The following TLR6 variants were observed in gnomAD, a reference collection of about 807,000 sequenced individuals.
The protein encoded by TLR6 is toll-like receptor 6.
TLR6 carries 9 observed loss-of-function variants against 16.1 expected under a neutral mutation model. That is an observed-to-expected ratio of 0.56 (90% confidence interval 0.34 to 0.98). TLR6 has a LOEUF of 0.98. Among genes scored for constraint, TLR6 ranks in the 50% least tolerant of loss-of-function variants. The probability of loss-of-function intolerance (pLI) is 0.02; values close to 1 mark genes in which losing one functional copy is unlikely to be tolerated. For missense variants in TLR6, 786 were observed against 921.0 expected (o/e 0.85, Z 1.90); for synonymous variants, 340 against 338.6 (o/e 1.00, Z -0.04).
chr4:38,863,025 T>C, the TLR6 span, among the ~76,000 whole-genome samples: 1 of 151,280 alleles, frequency 6.6e-6, no homozygotes, highest in Non-Finnish European at 1.5e-5. Flanking sequence ...GAGCTTTTAC[T>C]GACTATCTCT....
chr4:38,846,659 A>G (rs762913367), intron 1 of TLR6, among the ~76,000 whole-genome samples: 30 of 152,336 alleles, frequency 2.0e-4, no homozygotes, highest in Admixed American at 4.6e-4. Flanking sequence ...GAAAAGTAGT[A>G]AAATTTAGTG....
the TLR6 span, among the ~76,000 whole-genome samples, chr4:38,861,839 C>T: frequency 6.6e-6 from 1 of 152,048 alleles, no homozygotes; most frequent in African/African-American, 2.4e-5. Flanking sequence ...AGATTTGGAC[C>T]ACTTCTTTTC....
chr4:38,838,514 T>C (rs1712052295), intron 1 of TLR6, among the ~76,000 whole-genome samples: 1 of 152,174 alleles, frequency 6.6e-6, no homozygotes. Flanking sequence ...AATATTGTGT[T>C]CTCACTCATC....
Position 38,839,266 on chromosome 4 carries a change from C to CA in TLR6, c.-64-9730dup, listed in dbSNP as rs973045073. Among the ~76,000 whole-genome samples the CA allele has an allele frequency of 6.8e-3, 979 of 143,674 alleles. 11 individuals carry two copies. The highest frequency in any genetic ancestry group is 0.022 in the African/African-American group (822 of 37,782). 94.3% of individuals were successfully genotyped at this position (143,674 alleles called of 152,430 possible). Reference sequence around the variant, plus strand: ...TCCAGGAAAGGCAAAACTAAATAGACAAAAAAAAACTGCTCTAAAAAATAA... The same window carrying CA: ...TCCAGGAAAGGCAAAACTAAATAGACAAAAAAAAAACTGCTCTAAAAAATAA... On this transcript the variant is annotated intron_variant, in intron 1 of 1. Coordinates refer to ENST00000436693, the Ensembl canonical transcript of TLR6.
At chr4:38,844,980 A>T (rs1712459543) in intron 1 of TLR6, among the ~76,000 whole-genome samples, 1 of 152,156 alleles carries the variant, frequency 6.6e-6, no homozygotes, top group Non-Finnish European at 1.5e-5. Context: ...AATCGTTCGA[A>T]CCTGGGAGGC....
At chr4:38,862,135 C>T in the TLR6 span, among the ~76,000 whole-genome samples, 19 of 152,280 alleles carry the variant, frequency 1.2e-4, no homozygotes, top group South Asian at 1.5e-3. Flanking sequence ...TGCTGTCCTT[C>T]GGAATGAACT....
intron 1 of TLR6, among the ~76,000 whole-genome samples, chr4:38,834,063 C>G (rs959000692): frequency 7.3e-6 from 1 of 137,468 alleles, no homozygotes; most frequent in African/African-American, 2.6e-5. Flanking sequence ...CATATCTGTA[C>G]TAAAAAAAAA....
intron 1 of TLR6, among the ~76,000 whole-genome samples, chr4:38,837,577 C>T (rs974050885): frequency 2.6e-5 from 4 of 152,284 alleles, no homozygotes; most frequent in Non-Finnish European, 5.9e-5. Context: ...CCCTATCTCT[C>T]ACCATATACA....
At chr4:38,867,758 C>T in the TLR6 span, 2 of 151,256 alleles carry the variant, frequency 1.3e-5, no homozygotes, top group African/African-American at 4.8e-5. Context: ...GCCCTCCGGC[C>T]GCGTCCCCGC....
chr4:38,831,820 C>T (rs1359371387), intron 1 of TLR6, among the ~76,000 whole-genome samples: 1 of 152,198 alleles, frequency 6.6e-6, no homozygotes, highest in Non-Finnish European at 1.5e-5. Flanking sequence ...AATTACATTA[C>T]ACTTATGAGA....
intron 1 of TLR6, among the ~76,000 whole-genome samples, chr4:38,845,028 C>T (rs1336030767): frequency 6.6e-6 from 1 of 152,200 alleles, no homozygotes; most frequent in Non-Finnish European, 1.5e-5. Context: ...CACTGCACTC[C>T]AGCCTGGGTG....
chr4:38,859,524 T>C (rs1036107206), upstream of TLR6, among the ~76,000 whole-genome samples: 8 of 151,808 alleles, frequency 5.3e-5, no homozygotes, highest in African/African-American at 1.9e-4. Flanking sequence ...TAAGAAATGT[T>C]CACCTTTGAG....
chr4:38,836,141 T>C (rs916463168), intron 1 of TLR6, among the ~76,000 whole-genome samples: 13 of 151,156 alleles, frequency 8.6e-5, no homozygotes, highest in African/African-American at 3.2e-4. Context: ...CTCAGAGAAC[T>C]AAACAAAAGA....
chr4:38,827,663 G>A (rs56039132), exon 2 of TLR6: 1 of 1,614,204 alleles, frequency 6.2e-7, no homozygotes, highest in Non-Finnish European at 8.5e-7. Flanking sequence ...GATGCAGAGG[G>A]AGGTCACAGT....
At chr4:38,826,537 T>C (rs1579235415) in exon 2 of TLR6, 1 of 152,638 alleles carries the variant, frequency 6.6e-6, no homozygotes, top group African/African-American at 2.4e-5. Flanking sequence ...AAGTCATGAG[T>C]CCTCATTGGT....
chr4:38,850,354 G>A (rs1712715182), intron 1 of TLR6, among the ~76,000 whole-genome samples: 1 of 152,132 alleles, frequency 6.6e-6, no homozygotes, highest in African/African-American at 2.4e-5. Context: ...TGAAAAGCTA[G>A]CAGAAGGCAA....
intron 1 of TLR6, among the ~76,000 whole-genome samples, chr4:38,851,893 T>C (rs1226939687): frequency 2.0e-5 from 3 of 152,182 alleles, no homozygotes; most frequent in Non-Finnish European, 4.4e-5. Context: ...AAAGTTCATA[T>C]GGGGTCAAAA....
intron 1 of TLR6, among the ~76,000 whole-genome samples, chr4:38,846,441 C>A (rs1712534376): frequency 6.6e-6 from 1 of 152,032 alleles, no homozygotes; most frequent in Non-Finnish European, 1.5e-5. Flanking sequence ...ACTTGAGTTG[C>A]AAATAGCACC....
chr4:38,851,296 A>G (rs1453501867), intron 1 of TLR6, among the ~76,000 whole-genome samples: 1 of 152,224 alleles, frequency 6.6e-6, no homozygotes, highest in Non-Finnish European at 1.5e-5. Context: ...CAAAAACTGG[A>G]AGCATTCCCT....
Sources: allele counts gnomAD v4.1 joint callset (sites outside exome capture counted in the v4.1 genomes callset), GRCh38; gene constraint gnomAD v4.1.1; transcripts MANE v1.5; gene names NCBI Gene and HGNC (gene_info 2026-07-23, HGNC 2026-07-21).